The following SLC43A3 variants were observed in gnomAD, a reference collection of about 807,000 sequenced individuals.
The protein encoded by SLC43A3 is equilibrative nucleobase transporter 1.
Under a neutral mutation model 53.3 loss-of-function variants are expected in SLC43A3, and 33 were observed. The observed-to-expected ratio is 0.62, with a 90% CI of 0.47 to 0.83. The LOEUF (loss-of-function observed/expected upper bound fraction) is 0.83, where lower values mean the gene tolerates loss of function less well. Ranked by LOEUF, SLC43A3 falls within the 40% of genes least tolerant of loss-of-function variation. The pLI, the probability that SLC43A3 is intolerant of heterozygous loss-of-function variation, is 0.00. For synonymous variants in SLC43A3, 236 were observed against 246.2 expected, an observed-to-expected ratio of 0.96 and a Z score of 0.39; for missense variants, 530 against 610.0, an observed-to-expected ratio of 0.87 and a Z score of 1.38.
At chr11:57,408,638 T>C (rs6591423) in intron 13 of SLC43A3, 4,814 of 153,628 alleles carry the variant, frequency 0.031, 267 homozygotes, top group African/African-American at 0.11. Context: ...TTCTAAGATT[T>C]GCTGCTTTAA....
intron 4 of SLC43A3, 128 bp from the exon 5 acceptor site, chr11:57,424,156 G>A: frequency 2.3e-6 from 2 of 864,784 alleles, no homozygotes; most frequent in Non-Finnish European, 3.7e-6. Flanking sequence ...GATGCAACGG[G>A]CACTGATGCC....
rs756630927 is a variant in SLC43A3 at position 57,421,374 on chromosome 11, C to T, written c.362-1G>A. On this transcript the variant is annotated splice_acceptor_variant, in intron 5 of 13. Transcript: ENST00000395124. LOFTEE classifies it high-confidence loss of function. ...GCCAGGAAGAGCAGCACGGCTGAGC[C>T]TGGACCATCAAAGTCAGAGGTAGGG... The T allele has an allele frequency of 1.1e-5, 18 of 1,613,482 alleles. No individual in the cohort carries two copies. Among genetic ancestry groups the T allele is most frequent in the Non-Finnish European group, 1.5e-5 (18 of 1,179,706 alleles).
At chr11:57,409,545 A>G (rs1413405357) in intron 12 of SLC43A3, among the ~76,000 whole-genome samples, 1 of 152,228 alleles carries the variant, frequency 6.6e-6, no homozygotes, top group African/African-American at 2.4e-5. Context: ...GCACCAGGAA[A>G]GAAAAGACAG....
intron 7 of SLC43A3, among the ~76,000 whole-genome samples, chr11:57,420,123 C>T (rs1213914360): frequency 6.6e-6 from 1 of 152,210 alleles, no homozygotes; most frequent in Non-Finnish European, 1.5e-5. Flanking sequence ...CCCTTCCTTT[C>T]ACTCAGCCAT....
intron 5 of SLC43A3, among the ~76,000 whole-genome samples, chr11:57,422,284 A>G (rs1943025368): frequency 6.6e-6 from 1 of 152,258 alleles, no homozygotes; most frequent in South Asian, 2.1e-4. Flanking sequence ...ATGAAAGGAA[A>G]ACAATGTTAT....
intron 5 of SLC43A3, among the ~76,000 whole-genome samples, chr11:57,422,050 G>A (rs1227461810): frequency 6.6e-6 from 1 of 152,186 alleles, no homozygotes; most frequent in Non-Finnish European, 1.5e-5. Context: ...TCAAGAGCTG[G>A]GCTAGGGGAA....
intron 4 of SLC43A3, among the ~76,000 whole-genome samples, chr11:57,424,400 G>T (rs910201390): frequency 1.3e-5 from 2 of 152,196 alleles, no homozygotes; most frequent in Non-Finnish European, 2.9e-5. Context: ...TGGAGAAAGG[G>T]GTTAGTGCCT....
chr11:57,420,138 G>A (rs1942921101), intron 7 of SLC43A3, among the ~76,000 whole-genome samples: 1 of 152,174 alleles, frequency 6.6e-6, no homozygotes, highest in Non-Finnish European at 1.5e-5. Flanking sequence ...AGCCATCTGT[G>A]GTGTGCTGGC....
At position 57,407,725 on chromosome 11, in the gene SLC43A3, G is replaced by A. The variant is rs537755818; in HGVS notation, c.*67C>T. On this transcript the variant is annotated 3_prime_UTR_variant, in exon 14 of 14. Coordinates refer to ENST00000395124, the MANE Select transcript of SLC43A3 (RefSeq NM_199329.3). ...GGATAGGCAAAGTCTTTTGGGACAC[G>A]AGGTCCTCAAAGGTGGTGGAAGATG... 2.1e-5 allele frequency: 19 copies of A among 899,536 alleles called. No homozygotes were observed. Among genetic ancestry groups the A allele is most frequent in the African/African-American group, 1.5e-4 (9 of 60,960 alleles). The allele number at this position is 899,536 out of a possible 1,614,324, so 55.7% of individuals were successfully genotyped here.
At position 57,415,362 on chromosome 11, in the gene SLC43A3, G is replaced by A. The variant is rs567999475; in HGVS notation, c.770-256C>T. On this transcript the variant is annotated intron_variant, in intron 9 of 13. Coordinates refer to ENST00000395124, the MANE Select transcript of SLC43A3 (RefSeq NM_199329.3). ...AAATCCGATCTGTCTCTCACAGCCT[G>A]GTCAATGACACTTCTTGCAGTAATA... 1.2e-5 allele frequency: 17 copies of A among 1,474,738 alleles called. No homozygotes were observed. The Admixed American group carries it at 1.8e-4, about 16-fold the overall frequency. The allele number at this position is 1,474,738 out of a possible 1,614,324, so 91.4% of individuals were successfully genotyped here. A position where few individuals can be genotyped will look rare whatever the true frequency, so the allele number is the denominator to read the frequency against.
rs144302993 is a variant in SLC43A3, at chr11:57,411,276, T to C, written c.1061-1155A>G. Among the ~76,000 whole-genome samples the C allele has an allele frequency of 4.7e-3, 715 of 151,990 alleles. 7 individuals are homozygous for C. The highest frequency in any genetic ancestry group is 0.016 in the African/African-American group (671 of 41,466). ...TAGGAAGAAAACAAGTAAAACAATC[T>C]TTAAAAATCAGAAACAAAATAAAAT... On this transcript the variant is annotated intron_variant, in intron 11 of 13. Transcript: ENST00000395124.
chr11:57,417,315 C>T (rs868351702), intron 8 of SLC43A3, among the ~76,000 whole-genome samples: 12 of 152,184 alleles, frequency 7.9e-5, no homozygotes, highest in Non-Finnish European at 1.6e-4. Flanking sequence ...ATCTCAAGAA[C>T]GCTTGTGCAT....
At chr11:57,412,882 T>C (rs1051662441) in intron 11 of SLC43A3, among the ~76,000 whole-genome samples, 1 of 151,912 alleles carries the variant, frequency 6.6e-6, no homozygotes, top group Non-Finnish European at 1.5e-5. Context: ...GCATTGATCA[T>C]TAATGGCTCC....
At chr11:57,409,388 TC>T in intron 12 of SLC43A3, 90 bp from the exon 13 acceptor site, 22 of 1,456,230 alleles carry the variant, frequency 1.5e-5, no homozygotes, top group Non-Finnish European at 2.1e-5. Context: ...CGGCCGCTTG[TC>T]CCCAGCTCCC....
intron 7 of SLC43A3, among the ~76,000 whole-genome samples, chr11:57,420,171 T>A (rs1942922317): frequency 6.6e-6 from 1 of 152,208 alleles, no homozygotes; most frequent in Non-Finnish European, 1.5e-5. Context: ...GCTTGCTGCC[T>A]CATAATTGAA....
At chr11:57,414,090 G>A (rs768956111) in intron 11 of SLC43A3, among the ~76,000 whole-genome samples, 4 of 152,184 alleles carry the variant, frequency 2.6e-5, no homozygotes, top group Non-Finnish European at 5.9e-5. Flanking sequence ...AGAACACCTT[G>A]AGAAAAAGAA....
rs1171454925 is a variant in SLC43A3, at chr11:57,426,067, CA to C, written c.105del (p.Phe35LeufsTer46). The C allele has an allele frequency of 6.2e-7, 1 of 1,614,242 alleles. No homozygotes were observed. Among genetic ancestry groups the C allele is most frequent in the Non-Finnish European group, 8.5e-7 (1 of 1,180,028 alleles). ...TTAAAGTAATCTTCATTCTTGAAGACAAACACTAGTGAAGGCCAGCCAAAGA... is the reference window on the plus strand; with the variant it reads ...TTAAAGTAATCTTCATTCTTGAAGACAACACTAGTGAAGGCCAGCCAAAGA... ...GVLFGWPSLV[F>X]VFKNEDYFKD... On this transcript the variant is annotated frameshift_variant, in exon 3 of 14. Coordinates refer to ENST00000395124, the MANE Select transcript of SLC43A3 (RefSeq NM_199329.3). LOFTEE classifies it high-confidence loss of function.
Position 57,407,749 on chromosome 11 carries a change from T to C in SLC43A3, c.*43A>G. 1 of 1,319,050 alleles carries C rather than the reference T, an allele frequency of 7.6e-7. No homozygotes were observed. Among genetic ancestry groups the C allele is most frequent in the South Asian group, 1.2e-5 (1 of 83,596 alleles). 81.7% of individuals were successfully genotyped at this position (1,319,050 alleles called of 1,614,324 possible). ...CGAGGTCCTCAAAGGTGGTGGAAGATGAACAAAACCATCCTCGGGGCTGAA... is the reference window on the plus strand; with the variant it reads ...CGAGGTCCTCAAAGGTGGTGGAAGACGAACAAAACCATCCTCGGGGCTGAA... On this transcript the variant is annotated 3_prime_UTR_variant, in exon 14 of 14. Coordinates refer to ENST00000395124, the MANE Select transcript of SLC43A3 (RefSeq NM_199329.3).
At chr11:57,412,118 G>A (rs1016448232) in intron 11 of SLC43A3, among the ~76,000 whole-genome samples, 80 of 152,162 alleles carry the variant, frequency 5.3e-4, no homozygotes, top group African/African-American at 1.9e-3. Flanking sequence ...AGGGCTAGTT[G>A]GGAAAAATGA....
Sources: gnomAD v4.1 joint callset for allele counts (sites outside exome capture counted in the v4.1 genomes callset) on GRCh38, gnomAD v4.1.1 for gene constraint, MANE v1.5 for transcripts, NCBI Gene and HGNC (gene_info 2026-07-23, HGNC 2026-07-21) for gene names.